The following HSDL1 variants were observed in gnomAD, a reference collection of about 807,000 sequenced individuals.
HSDL1 encodes hydroxysteroid dehydrogenase like 1.
Under a neutral mutation model 31.5 loss-of-function variants are expected in HSDL1, and 29 were observed. That is an observed-to-expected ratio of 0.92 (90% CI 0.69 to 1.26). The LOEUF (loss-of-function observed/expected upper bound fraction) is 1.26, where lower values mean the gene tolerates loss of function less well. Ranked by LOEUF, HSDL1 falls within the 50% of genes most tolerant of loss-of-function variation. The pLI is 0.00. For synonymous variants in HSDL1, 222 were observed against 155.2 expected (o/e 1.43, Z -3.20); for missense variants, 503 against 416.6 (o/e 1.21, Z -1.81).
chr16:84,134,265 C>A (rs2086692682), intron 2 of HSDL1, among the ~76,000 whole-genome samples: 2 of 152,122 alleles, frequency 1.3e-5, no homozygotes, highest in African/African-American at 4.8e-5. Context: ...AGCCCTTGAA[C>A]AGTCATAAGT....
At chr16:84,135,111 T>C (rs993813297) in intron 2 of HSDL1, among the ~76,000 whole-genome samples, 1 of 151,950 alleles carries the variant, frequency 6.6e-6, no homozygotes, top group African/African-American at 2.4e-5. Context: ...CGGGCACCTG[T>C]AGTCCCAGCT....
Position 84,129,553 on chromosome 16 carries a change from T to A in HSDL1, c.889A>T (p.Ile297Phe). The A allele has an allele frequency of 1.9e-6, 3 of 1,610,306 alleles. No individual in the cohort carries two copies. Among genetic ancestry groups the A allele is most frequent in the Middle Eastern group, 3.3e-4 (2 of 6,058 alleles). ...KRTTGYWSHS[I>F]QFLFAQYMPE... ...GACCTGAAGCACACTCCTACCTGAA[T>A]AGAATGGGACCAATATCCTGTGGTC... The change falls in exon 5 of 6, where the codon ATT (isoleucine) becomes TTT (phenylalanine). Residue 297 changes from isoleucine to phenylalanine, a missense_variant. Transcript: ENST00000219439.
At chr16:84,145,001 G>GC (rs1199214824) in intron 1 of HSDL1, 79 bp downstream of exon 1, 4 of 152,646 alleles carry the variant, frequency 2.6e-5, no homozygotes, top group African/African-American at 9.6e-5. Context: ...CAAGCAGCCG[G>GC]CTGGCGCTGA....
rs1225393071 is a variant in HSDL1, at chr16:84,122,421, G to C, written c.*2209C>G. 6.6e-6 allele frequency: 1 copy of C among 151,438 alleles called. No individual in the cohort carries two copies. Among genetic ancestry groups the C allele is most frequent in the Non-Finnish European group, 1.5e-5 (1 of 68,002 alleles). The allele number at this position is 151,438 out of a possible 1,614,324, so 9.4% of individuals were successfully genotyped here. A position where few individuals can be genotyped will look rare whatever the true frequency, so the allele number is the denominator to read the frequency against. On this transcript the variant is annotated 3_prime_UTR_variant, in exon 6 of 6. Transcript: ENST00000219439. ...TCTCAAGGCTGGAGTGCAGTGGCAC[G>C]ATCTTGGCTCACTTCAACCTCTGCA...
At chr16:84,141,665 T>C (rs572300846) in intron 1 of HSDL1, among the ~76,000 whole-genome samples, 1 of 152,344 alleles carries the variant, frequency 6.6e-6, no homozygotes, top group African/African-American at 2.4e-5. Context: ...GCTGGTAGCG[T>C]CCAAAGCTTC....
chr16:84,137,707 C>T (rs1475091011), intron 1 of HSDL1, among the ~76,000 whole-genome samples: 1 of 152,218 alleles, frequency 6.6e-6, no homozygotes, highest in African/African-American at 2.4e-5. Context: ...TTCTTCCCCA[C>T]CCTTCTGTAC....
At chr16:84,138,121 C>T (rs371670040) in intron 1 of HSDL1, among the ~76,000 whole-genome samples, 3 of 152,192 alleles carry the variant, frequency 2.0e-5, no homozygotes, top group African/African-American at 7.2e-5. Flanking sequence ...TTGCTGTTTC[C>T]AAGCCACCCA....
intron 1 of HSDL1, among the ~76,000 whole-genome samples, chr16:84,137,254 C>T (rs946083286): frequency 4.6e-5 from 7 of 152,240 alleles, no homozygotes; most frequent in African/African-American, 1.7e-4. Context: ...AGGGACCTCC[C>T]TGGCCCGGGC....
intron 3 of HSDL1, 124 bp downstream of exon 3, chr16:84,130,978 G>A (rs1450460417): frequency 2.6e-6 from 2 of 770,342 alleles, no homozygotes; most frequent in East Asian, 4.9e-5. Flanking sequence ...AATCACGGCA[G>A]GAGCCATAAG....
intron 1 of HSDL1, among the ~76,000 whole-genome samples, chr16:84,138,866 T>TCACC (rs1207279626): frequency 6.6e-6 from 1 of 152,182 alleles, no homozygotes; most frequent in African/African-American, 2.4e-5. Context: ...AGTAGCAAAG[T>TCACC]CACCTCTTCA....
chr16:84,140,952 G>T (rs1021538575), intron 1 of HSDL1, among the ~76,000 whole-genome samples: 4 of 152,046 alleles, frequency 2.6e-5, no homozygotes, highest in Non-Finnish European at 5.9e-5. Context: ...TTAGCCGGGC[G>T]CAGTGGTGGG....
At chr16:84,134,677 T>C (rs2086697233) in intron 2 of HSDL1, among the ~76,000 whole-genome samples, 2 of 152,124 alleles carry the variant, frequency 1.3e-5, no homozygotes, top group Admixed American at 1.3e-4. Flanking sequence ...TCCTAAATTG[T>C]GAGTTCCGGA....
chr16:84,129,551 A>C lies in HSDL1; in HGVS notation c.891T>G (p.Ile297Met), dbSNP rs763369486. Residue 297 changes from isoleucine (I) to methionine (M), a missense_variant, in exon 5 of 6, where the codon ATT becomes ATG. Coordinates refer to ENST00000219439, the MANE Select transcript of HSDL1 (RefSeq NM_031463.5). ...KRTTGYWSHS[I>M]QFLFAQYMPE... ...GAGACCTGAAGCACACTCCTACCTG[A>C]ATAGAATGGGACCAATATCCTGTGG... 5 of 1,609,144 alleles carry C rather than the reference A, an allele frequency of 3.1e-6. No individual in the cohort carries two copies. In the South Asian group the frequency reaches 4.4e-5, roughly 14 times the overall value.
chr16:84,136,814 G>A (rs1441097454), intron 1 of HSDL1, among the ~76,000 whole-genome samples: 1 of 152,220 alleles, frequency 6.6e-6, no homozygotes, highest in Non-Finnish European at 1.5e-5. Context: ...CATCAGGGGG[G>A]CTGATGGCAT....
At chr16:84,141,332 GT>G (rs1421466757) in intron 1 of HSDL1, among the ~76,000 whole-genome samples, 1 of 152,060 alleles carries the variant, frequency 6.6e-6, no homozygotes, top group Non-Finnish European at 1.5e-5. Flanking sequence ...CGATTCACAG[GT>G]CCCCCTGCTG....
rs756268971 is a variant in HSDL1 at position 84,130,111 on chromosome 16, C to T, written c.541G>A (p.Ala181Thr). ...WDIINVNIAA[A>T]SLMVHVVLPG... is the part of the protein sequence containing the mutation. ...AACACAACATGGACCATCAAACTAG[C>T]GGCGGCAATGTTCACATTTATGATG... The change falls in exon 4 of 6, where the codon GCT becomes ACT. Residue 181 changes from alanine to threonine, a missense_variant. Transcript: ENST00000219439. 25 of 1,614,028 alleles carry T rather than the reference C, an allele frequency of 1.5e-5. No homozygotes were observed. The highest frequency in any genetic ancestry group is 2.2e-5 in the South Asian group (2 of 91,084).
At position 84,134,019 on chromosome 16, in the gene HSDL1, T is replaced by C. The variant is rs1488600621; in HGVS notation, c.-7+1525A>G. Among the ~76,000 whole-genome samples, 3 of 152,220 alleles carry C rather than the reference T, an allele frequency of 2.0e-5. No homozygotes were observed. In the East Asian group the frequency reaches 5.8e-4, roughly 29 times the overall value. The stretch of plus-strand genomic sequence containing the variant: ...TGTCTAGTTCAACAAAGTCTTTCTT[T>C]TTTCTGAGCAATCTTCCGTACAGCA... On this transcript the variant is annotated intron_variant, in intron 2 of 5. Coordinates refer to ENST00000219439, the MANE Select transcript of HSDL1 (RefSeq NM_031463.5).
intron 1 of HSDL1, among the ~76,000 whole-genome samples, chr16:84,142,661 G>C (rs1467650976): frequency 1.3e-5 from 2 of 151,754 alleles, no homozygotes; most frequent in African/African-American, 4.8e-5. Flanking sequence ...GGCCAGGCTG[G>C]TCTTGAACTC....
chr16:84,129,258 T>C (rs1298555886), intron 5 of HSDL1, among the ~76,000 whole-genome samples: 3 of 151,870 alleles, frequency 2.0e-5, no homozygotes, highest in Non-Finnish European at 2.9e-5. Context: ...CAGGTGCCTG[T>C]AGTCCCAGCT....
Sources: gnomAD v4.1 joint callset for allele counts (sites outside exome capture counted in the v4.1 genomes callset) on GRCh38, gnomAD v4.1.1 for gene constraint, MANE v1.5 for transcripts, NCBI Gene and HGNC (gene_info 2026-07-23, HGNC 2026-07-21) for gene names.